The following NCOA2 variants were observed in gnomAD, a reference collection of about 807,000 sequenced individuals.
The protein encoded by NCOA2 is class E basic helix-loop-helix protein 75.
Under a neutral mutation model 145.1 loss-of-function variants are expected in NCOA2, and 21 were observed. The observed-to-expected ratio is 0.14, with a 90% CI of 0.10 to 0.21. NCOA2 has a LOEUF of 0.21. NCOA2 is among the 10% of genes least tolerant of loss of function. NCOA2 has a pLI of 1.00. For missense variants in NCOA2, 1,472 were observed against 1,837.6 expected (o/e 0.80, Z 3.64); for synonymous variants, 619 against 637.5 (o/e 0.97, Z 0.44).
intron 1 of NCOA2, among the ~76,000 whole-genome samples, chr8:70,328,110 G>A (rs1031869157): frequency 3.9e-5 from 6 of 152,172 alleles, no homozygotes; most frequent in Admixed American, 6.5e-5. Flanking sequence ...AGATGAGACC[G>A]TCTGACTAAT....
At chr8:70,253,103 T>G (rs543938777) in intron 2 of NCOA2, among the ~76,000 whole-genome samples, 9 of 152,322 alleles carry the variant, frequency 5.9e-5, no homozygotes, top group African/African-American at 2.2e-4. Context: ...TTGTGAAGAT[T>G]ATTTATCCTT....
Position 70,124,826 on chromosome 8 carries a change from G to A in NCOA2, c.3956C>T (p.Thr1319Met), listed in dbSNP as rs774257324. 2.6e-5 allele frequency: 42 copies of A among 1,608,774 alleles called. No homozygotes were observed. The highest frequency in any genetic ancestry group is 3.3e-5 in the Non-Finnish European group (39 of 1,178,306). ...QQPDPGFTGATTPQSPLMSPR... is the reference protein window; with the variant it reads ...QQPDPGFTGAMTPQSPLMSPR... ...TGACATAAGTGGGCTCTGGGGAGTC[G>A]TAGCCCCAGTAAAGCCTGGATCAGG... is the stretch of plus-strand genomic sequence containing the variant. Residue 1319 changes from threonine (T) to methionine (M), a missense_variant, in exon 20 of 23, where the codon ACG (threonine) becomes ATG (methionine). By Grantham distance (81) the Thr-to-Met change is moderately conservative. Transcript: ENST00000452400.
intron 2 of NCOA2, among the ~76,000 whole-genome samples, chr8:70,291,430 A>G (rs1371060528): frequency 6.6e-6 from 1 of 152,246 alleles, no homozygotes; most frequent in African/African-American, 2.4e-5. Context: ...CAATTTAAAA[A>G]AAGTTGCTCC....
chr8:70,142,466 C>A (rs1046428603), intron 13 of NCOA2, among the ~76,000 whole-genome samples: 1 of 152,004 alleles, frequency 6.6e-6, no homozygotes, highest in Non-Finnish European at 1.5e-5. Flanking sequence ...AGGGAGGCTG[C>A]GGTGGGCAGA....
At chr8:70,230,154 T>C (rs936734379) in intron 2 of NCOA2, among the ~76,000 whole-genome samples, 2 of 152,190 alleles carry the variant, frequency 1.3e-5, no homozygotes, top group African/African-American at 4.8e-5. Flanking sequence ...ATTAGCATGG[T>C]AGCGGTCTAA....
At position 70,148,256 on chromosome 8, in the gene NCOA2, C is replaced by A. The variant is rs1811327983; in HGVS notation, c.2605+17G>T. The A allele has an allele frequency of 1.2e-6, 2 of 1,609,956 alleles. No individual in the cohort carries two copies. The highest frequency in any genetic ancestry group is 1.7e-6 in the Non-Finnish European group (2 of 1,176,372). On this transcript the variant is annotated intron_variant, in intron 12 of 22. Coordinates refer to ENST00000452400, the MANE Select transcript of NCOA2 (RefSeq NM_006540.4). Reference sequence around the variant, plus strand: ...TATGGAAATTTCTTGGCATAACCAGCCATTTCTCATACTCACTGCTCTGTG... The same window carrying A: ...TATGGAAATTTCTTGGCATAACCAGACATTTCTCATACTCACTGCTCTGTG...
At chr8:70,424,466 G>A in the NCOA2 span, 12 of 509,916 alleles carry the variant, frequency 2.4e-5, 1 homozygote, top group South Asian at 7.5e-5. Context: ...GCATATCTTC[G>A]ACCCACACCC....
intron 2 of NCOA2, among the ~76,000 whole-genome samples, chr8:70,244,551 T>C (rs1284470412): frequency 6.6e-6 from 1 of 152,110 alleles, no homozygotes; most frequent in East Asian, 1.9e-4. Context: ...GCTGTACTTA[T>C]CATGTAATCA....
chr8:70,121,424 A>T (rs373283886), intron 21 of NCOA2, 33 bp from the exon 22 acceptor site: 3 of 1,543,200 alleles, frequency 1.9e-6, no homozygotes, highest in Non-Finnish European at 2.7e-6. Flanking sequence ...GTGGCTACGC[A>T]GAGCAGAATG....
intron 4 of NCOA2, among the ~76,000 whole-genome samples, chr8:70,191,005 A>AGAAAACTG (rs1379106632): frequency 9.3e-4 from 142 of 152,326 alleles, no homozygotes; most frequent in African/African-American, 3.3e-3. Flanking sequence ...AAGAAAACTA[A>AGAAAACTG]TTGAGAAGCT....
chr8:70,396,475 C>CCT (rs1342314259), intron 1 of NCOA2, among the ~76,000 whole-genome samples: 1 of 152,190 alleles, frequency 6.6e-6, no homozygotes, highest in African/African-American at 2.4e-5. Flanking sequence ...CAGGGTTCTA[C>CCT]CTCTCAATGC....
rs1351279269 is a variant in NCOA2, at chr8:70,141,541, T to C, written c.2813-142A>G. The C allele has an allele frequency of 5.2e-6, 4 of 775,274 alleles. No individual in the cohort carries two copies. The African/African-American group carries it at 5.2e-5, about 10-fold the overall frequency. The allele number at this position is 775,274 out of a possible 1,614,324, so 48.0% of individuals were successfully genotyped here. A position where few individuals can be genotyped will look rare whatever the true frequency, so the allele number is the denominator to read the frequency against. On this transcript the variant is annotated intron_variant, in intron 13 of 22. Coordinates refer to ENST00000452400, the MANE Select transcript of NCOA2 (RefSeq NM_006540.4). ...ATAGCTAATGTTCTCATTGGGCAGA[T>C]GTGGGACCTTGGCTAAGAAATAACA... is the stretch of plus-strand genomic sequence containing the variant.
At chr8:70,369,627 C>T (rs998669199) in intron 1 of NCOA2, among the ~76,000 whole-genome samples, 3 of 122,622 alleles carry the variant, frequency 2.4e-5, no homozygotes, top group African/African-American at 8.0e-5. Context: ...TTAGATCCTA[C>T]TTCTGCCAAT....
the NCOA2 span, among the ~76,000 whole-genome samples, chr8:70,422,090 G>C: frequency 6.6e-5 from 10 of 151,178 alleles, no homozygotes; most frequent in East Asian, 1.4e-3. Flanking sequence ...GCAAGACTCC[G>C]GTCTCGAAAA....
At chr8:70,169,363 G>A (rs1421190079) in intron 6 of NCOA2, among the ~76,000 whole-genome samples, 1 of 152,226 alleles carries the variant, frequency 6.6e-6, no homozygotes, top group East Asian at 1.9e-4. Flanking sequence ...GCCCACTGGA[G>A]AGTCTGCAAG....
chr8:70,266,753 A>G (rs1369259812), intron 2 of NCOA2, among the ~76,000 whole-genome samples: 1 of 152,174 alleles, frequency 6.6e-6, no homozygotes, highest in African/African-American at 2.4e-5. Context: ...CAATCAATCA[A>G]TATTTATTGG....
At chr8:70,235,459 A>C (rs184057007) in intron 2 of NCOA2, among the ~76,000 whole-genome samples, 231 of 152,320 alleles carry the variant, frequency 1.5e-3, no homozygotes, top group African/African-American at 5.1e-3. Flanking sequence ...ATAATAAAAA[A>C]TTTAAAAAAA....
At chr8:70,411,346 G>C in the NCOA2 span, among the ~76,000 whole-genome samples, 1 of 152,186 alleles carries the variant, frequency 6.6e-6, no homozygotes, top group Admixed American at 6.5e-5. Context: ...ATTATTTGCA[G>C]ATGGCATGAA....
At chr8:70,425,886 C>A in the NCOA2 span, among the ~76,000 whole-genome samples, 1 of 152,142 alleles carries the variant, frequency 6.6e-6, no homozygotes, top group Non-Finnish European at 1.5e-5. Context: ...TGCTCCCCAG[C>A]CTGAGTCTGG....
Sources: gnomAD v4.1 joint callset for allele counts (sites outside exome capture counted in the v4.1 genomes callset) on GRCh38, gnomAD v4.1.1 for gene constraint, MANE v1.5 for transcripts, NCBI Gene and HGNC (gene_info 2026-07-23, HGNC 2026-07-21) for gene names.